SPMIP7: variants seen among roughly 807,000 people sequenced by gnomAD.
SPMIP7 encodes the protein protein SPMIP7.
At chr7:50,127,159 G>A in the SPMIP7 span, among the ~76,000 whole-genome samples, 1 of 151,964 alleles carries the variant, frequency 6.6e-6, no homozygotes, top group Non-Finnish European at 1.5e-5. Context: ...AATGGGAAAA[G>A]GACAGTCTTT....
chr7:50,157,355 C>T, the SPMIP7 span, among the ~76,000 whole-genome samples: 1 of 152,098 alleles, frequency 6.6e-6, no homozygotes, highest in Non-Finnish European at 1.5e-5. Context: ...AGGGATGTGA[C>T]CTGTCTCCAA....
the SPMIP7 span, among the ~76,000 whole-genome samples, chr7:50,148,882 C>T: frequency 3.9e-5 from 6 of 152,178 alleles, no homozygotes; most frequent in Admixed American, 1.3e-4. Flanking sequence ...CACGGTGGCT[C>T]ACGTCTGTAA....
At chr7:50,141,556 G>A in the SPMIP7 span, 2 of 564,984 alleles carry the variant, frequency 3.5e-6, no homozygotes, top group Non-Finnish European at 6.4e-6. Context: ...AGGAGATTTT[G>A]GGGATTGACT....
the SPMIP7 span, among the ~76,000 whole-genome samples, chr7:50,115,818 C>T: frequency 2.0e-5 from 3 of 152,132 alleles, no homozygotes. Flanking sequence ...AAAGGATTGA[C>T]ATTATCCTTA....
At chr7:50,142,332 A>G in the SPMIP7 span, among the ~76,000 whole-genome samples, 2 of 152,230 alleles carry the variant, frequency 1.3e-5, no homozygotes, top group African/African-American at 2.4e-5. Flanking sequence ...GAGAGTGAAG[A>G]GCAGTATGGC....
chr7:50,147,036 T>G, the SPMIP7 span, among the ~76,000 whole-genome samples: 55,192 of 152,114 alleles, frequency 0.36, 10,346 homozygotes, highest in South Asian at 0.46. Context: ...TAAATGTGTC[T>G]GTCTCACACC....
the SPMIP7 span, among the ~76,000 whole-genome samples, chr7:50,104,573 C>A: frequency 1.1e-4 from 16 of 152,166 alleles, no homozygotes; most frequent in Admixed American, 9.2e-4. Context: ...ACTGTGCAGA[C>A]CCTTGCAATC....
chr7:50,123,530 C>T, the SPMIP7 span, among the ~76,000 whole-genome samples: 1 of 139,658 alleles, frequency 7.2e-6, no homozygotes, highest in Non-Finnish European at 1.6e-5. Context: ...AACTAACATG[C>T]ACATTGTGCA....
the SPMIP7 span, among the ~76,000 whole-genome samples, chr7:50,109,850 T>G: frequency 6.6e-6 from 1 of 152,218 alleles, no homozygotes; most frequent in Non-Finnish European, 1.5e-5. Context: ...ATATTACTGA[T>G]AGATACAGCA....
chr7:50,129,669 T>C, the SPMIP7 span: 1 of 1,239,884 alleles, frequency 8.1e-7, no homozygotes, highest in Non-Finnish European at 1.1e-6. Context: ...ACAATAACAA[T>C]TTCCATTTAT....
At chr7:50,140,996 C>A in the SPMIP7 span, among the ~76,000 whole-genome samples, 3 of 152,206 alleles carry the variant, frequency 2.0e-5, no homozygotes, top group South Asian at 4.1e-4. Flanking sequence ...GCTGGGGCTG[C>A]AGGAACAGCC....
At chr7:50,159,208 G>A in the SPMIP7 span, 3 of 1,542,712 alleles carry the variant, frequency 1.9e-6, no homozygotes, top group Non-Finnish European at 2.6e-6. Context: ...GCCTCCGCCT[G>A]GGGAAGGCTT....
At chr7:50,152,749 C>A in the SPMIP7 span, among the ~76,000 whole-genome samples, 23 of 151,700 alleles carry the variant, frequency 1.5e-4, no homozygotes, top group Non-Finnish European at 2.9e-4. Context: ...TGCAGTGGTG[C>A]GATCTCAGCT....
At chr7:50,124,918 G>A in the SPMIP7 span, among the ~76,000 whole-genome samples, 2 of 151,690 alleles carry the variant, frequency 1.3e-5, no homozygotes, top group African/African-American at 4.8e-5. Flanking sequence ...GGTCAACATG[G>A]TGAAACCCTG....
At chr7:50,096,396 G>A in the SPMIP7 span, 2 of 1,551,950 alleles carry the variant, frequency 1.3e-6, no homozygotes, top group South Asian at 1.2e-5. Flanking sequence ...GTGACCTTAG[G>A]TGATTCCTGT....
chr7:50,097,055 T>C, the SPMIP7 span, among the ~76,000 whole-genome samples: 2 of 152,208 alleles, frequency 1.3e-5, no homozygotes, highest in Non-Finnish European at 2.9e-5. Flanking sequence ...ATTTAAGTAC[T>C]TGAACGTACA....
chr7:50,101,093 C>T, the SPMIP7 span, among the ~76,000 whole-genome samples: 1 of 152,158 alleles, frequency 6.6e-6, no homozygotes, highest in Non-Finnish European at 1.5e-5. Context: ...CTCAGCAATT[C>T]ACCCTGTTCC....
At chr7:50,151,511 T>C in the SPMIP7 span, 5 of 1,551,508 alleles carry the variant, frequency 3.2e-6, no homozygotes, top group Non-Finnish European at 4.4e-6. Flanking sequence ...CCCAGCAAAT[T>C]CTAATATTCC....
At chr7:50,139,507 T>A in the SPMIP7 span, among the ~76,000 whole-genome samples, 1 of 152,252 alleles carries the variant, frequency 6.6e-6, no homozygotes, top group African/African-American at 2.4e-5. Context: ...TTGGTATTTT[T>A]AATTTACATA....
Sources: allele counts gnomAD v4.1 joint callset (sites outside exome capture counted in the v4.1 genomes callset), GRCh38; gene constraint gnomAD v4.1.1; transcripts MANE v1.5; gene names NCBI Gene and HGNC (gene_info 2026-07-23, HGNC 2026-07-21).